WWTR1: variants seen among roughly 807,000 people sequenced by gnomAD.
WWTR1 encodes the protein WW domain-containing transcription regulator protein 1.
A neutral mutation model predicts 40.1 loss-of-function variants in WWTR1; 13 were observed. The ratio of observed to expected loss-of-function variants is 0.32; its 90% CI spans 0.21 to 0.52. The LOEUF (loss-of-function observed/expected upper bound fraction) is 0.52. WWTR1 is among the 20% of genes least tolerant of loss of function. WWTR1 has a pLI of 0.97. For synonymous variants in WWTR1, 230 were observed against 210.1 expected, an observed-to-expected ratio of 1.09 and a Z score of -0.82; for missense variants, 436 against 523.1, an observed-to-expected ratio of 0.83 and a Z score of 1.63.
intron 2 of WWTR1, among the ~76,000 whole-genome samples, chr3:149,635,983 A>G (rs1220635726): frequency 3.3e-5 from 5 of 152,214 alleles, no homozygotes; most frequent in Non-Finnish European, 7.3e-5. Context: ...TGATAACCTT[A>G]TCAAATCTTG....
intron 2 of WWTR1, among the ~76,000 whole-genome samples, chr3:149,623,507 G>A (rs1198781231): frequency 6.6e-6 from 1 of 152,198 alleles, no homozygotes; most frequent in Non-Finnish European, 1.5e-5. Flanking sequence ...ATGCTATGAT[G>A]CCATTAGCTG....
At chr3:149,619,615 C>G (rs989817228) in intron 2 of WWTR1, among the ~76,000 whole-genome samples, 1 of 152,052 alleles carries the variant, frequency 6.6e-6, no homozygotes, top group African/African-American at 2.4e-5. Flanking sequence ...AGAGTAAGAT[C>G]CTGTCACCAA....
At chr3:149,536,372 G>C (rs1160658897) in intron 4 of WWTR1, among the ~76,000 whole-genome samples, 2 of 151,960 alleles carry the variant, frequency 1.3e-5, no homozygotes, top group Non-Finnish European at 2.9e-5. Flanking sequence ...ATAGTCCCCT[G>C]TTCTGAAGCA....
At chr3:149,523,926 T>C (rs1383190698) in intron 6 of WWTR1, among the ~76,000 whole-genome samples, 2 of 152,220 alleles carry the variant, frequency 1.3e-5, no homozygotes, top group Non-Finnish European at 2.9e-5. Context: ...AACTTGGCAC[T>C]CACATTCCCA....
At chr3:149,713,521 C>T (rs1715525720) in intron 5 of WWTR1, among the ~76,000 whole-genome samples, 1 of 152,176 alleles carries the variant, frequency 6.6e-6, no homozygotes, top group South Asian at 2.1e-4. Flanking sequence ...GCTGGGATTA[C>T]AGGTACCCGC....
At chr3:149,575,843 G>A (rs910582480) in intron 2 of WWTR1, among the ~76,000 whole-genome samples, 6 of 152,132 alleles carry the variant, frequency 3.9e-5, no homozygotes, top group African/African-American at 7.2e-5. Context: ...AATCCCCTGG[G>A]ACAGAGTGTG....
intron 4 of WWTR1, among the ~76,000 whole-genome samples, chr3:149,721,066 T>C (rs1715747652): frequency 2.0e-5 from 3 of 152,208 alleles, no homozygotes; most frequent in Admixed American, 2.0e-4. Flanking sequence ...CAAACAGGGA[T>C]ATTTTACTTC....
chr3:149,686,558 A>G (rs1714662914), intron 1 of WWTR1, among the ~76,000 whole-genome samples: 1 of 152,144 alleles, frequency 6.6e-6, no homozygotes, highest in Admixed American at 6.5e-5. Context: ...TAAATAATAG[A>G]GTGAAGAAAT....
In WWTR1 at chr3:149,518,465, T is replaced by C. The variant is rs1734893541; in HGVS notation, c.*2340A>G. The C allele has an allele frequency of 6.6e-6, 1 of 152,148 alleles. No homozygotes were observed. The highest frequency in any genetic ancestry group is 6.5e-5 in the Admixed American group (1 of 15,274). 9.4% of individuals were successfully genotyped at this position (152,148 alleles called of 1,614,324 possible). On this transcript the variant is annotated 3_prime_UTR_variant, in exon 7 of 7. Transcript: ENST00000360632. ...GTTTTTTTAATTTTTTATTTATTTA[T>C]TTATTTTTAGCAAGAATGTACAATT...
chr3:149,534,286 GA>G (rs1560047915), intron 4 of WWTR1, among the ~76,000 whole-genome samples: 1 of 152,196 alleles, frequency 6.6e-6, no homozygotes, highest in Non-Finnish European at 1.5e-5. Context: ...TCAGAGTTAA[GA>G]GTGTGGCAAA....
chr3:149,648,463 G>T (rs999324277), intron 2 of WWTR1, among the ~76,000 whole-genome samples: 3 of 152,128 alleles, frequency 2.0e-5, no homozygotes, highest in African/African-American at 7.2e-5. Flanking sequence ...ACAGTAATAT[G>T]AGAGTGGAGC....
At chr3:149,642,494 G>A (rs534227233) in intron 2 of WWTR1, among the ~76,000 whole-genome samples, 5 of 151,642 alleles carry the variant, frequency 3.3e-5, no homozygotes, top group Admixed American at 6.6e-5. Flanking sequence ...AGAGAAATCC[G>A]GCCGGGCACG....
chr3:149,708,207 G>A (rs756191429), upstream of WWTR1, among the ~76,000 whole-genome samples: 32 of 151,984 alleles, frequency 2.1e-4, no homozygotes, highest in South Asian at 8.3e-4. Context: ...TCTCAATAAC[G>A]CAGACTCACT....
chr3:149,645,321 T>C (rs886739708), intron 2 of WWTR1, among the ~76,000 whole-genome samples: 23 of 151,442 alleles, frequency 1.5e-4, no homozygotes, highest in East Asian at 3.9e-4. Flanking sequence ...CCTCGTGATC[T>C]GCCCGCCTCG....
At chr3:149,528,197 A>G (rs1326828144) in intron 4 of WWTR1, among the ~76,000 whole-genome samples, 1 of 152,240 alleles carries the variant, frequency 6.6e-6, no homozygotes, top group Non-Finnish European at 1.5e-5. Context: ...TATTTGATCT[A>G]AGGGCACTTA....
intron 3 of WWTR1, among the ~76,000 whole-genome samples, chr3:149,563,935 G>C (rs1737197007): frequency 6.6e-6 from 1 of 152,074 alleles, no homozygotes; most frequent in African/African-American, 2.4e-5. Flanking sequence ...TGTGTTTTTG[G>C]TGGAGACGGG....
chr3:149,522,909 A>C (rs181849194), intron 6 of WWTR1, among the ~76,000 whole-genome samples: 17 of 151,622 alleles, frequency 1.1e-4, no homozygotes, highest in East Asian at 3.9e-4. Flanking sequence ...AAAAAACCCC[A>C]AAAAAACAGT....
At chr3:149,575,703 C>T (rs538389162) in intron 2 of WWTR1, among the ~76,000 whole-genome samples, 3 of 152,314 alleles carry the variant, frequency 2.0e-5, no homozygotes, top group Non-Finnish European at 4.4e-5. Context: ...TCTCCCCTCC[C>T]GTTCTGAACA....
intron 2 of WWTR1, among the ~76,000 whole-genome samples, chr3:149,663,784 C>G (rs575009679): frequency 1.3e-5 from 2 of 152,296 alleles, no homozygotes; most frequent in African/African-American, 4.8e-5. Flanking sequence ...TTGCCCATTC[C>G]TCTTTCAGCA....
Sources: gnomAD v4.1 joint callset for allele counts (sites outside exome capture counted in the v4.1 genomes callset) on GRCh38, gnomAD v4.1.1 for gene constraint, MANE v1.5 for transcripts, NCBI Gene and HGNC (gene_info 2026-07-23, HGNC 2026-07-21) for gene names.